PTPN14: variants seen among roughly 807,000 people sequenced by gnomAD.
The protein encoded by PTPN14 is protein tyrosine phosphatase non-receptor type 14, also known as tyrosine-protein phosphatase non-receptor type 14.
Under a neutral mutation model 126.8 loss-of-function variants are expected in PTPN14, and 53 were observed. The ratio of observed to expected loss-of-function variants is 0.42; its 90% CI spans 0.34 to 0.53. PTPN14 has a LOEUF of 0.53. Ranked by LOEUF, PTPN14 falls within the 20% of genes least tolerant of loss-of-function variation. PTPN14 has a pLI of 0.08. For missense variants in PTPN14, 1,257 were observed against 1,552.9 expected (o/e 0.81, Z 3.20); for synonymous variants, 630 against 599.3 (o/e 1.05, Z -0.75).
In PTPN14 at chr1:214,372,931, T is replaced by C. The variant is rs1288928565; in HGVS notation, c.2908-92A>G. On this transcript the variant is annotated intron_variant, in intron 15 of 18. Transcript: ENST00000366956. ...GTCCATCTGTATCCACCTTAAAACCTTGGATATATTTTTGGGGCCGAATGA... is the reference window on the plus strand; with the variant it reads ...GTCCATCTGTATCCACCTTAAAACCCTGGATATATTTTTGGGGCCGAATGA... 7 of 1,522,494 alleles carry C rather than the reference T, an allele frequency of 4.6e-6. No individual in the cohort carries two copies. In the South Asian group the frequency reaches 6.3e-5, roughly 14 times the overall value. The allele number at this position is 1,522,494 out of a possible 1,614,324, so 94.3% of individuals were successfully genotyped here.
chr1:214,402,960 G>C lies in PTPN14; in HGVS notation c.511-7C>G. The C allele has an allele frequency of 6.2e-7, 1 of 1,613,768 alleles. No homozygotes were observed. On this transcript the variant is annotated splice_polypyrimidine_tract_variant and splice_region_variant and intron_variant, in intron 5 of 18. Transcript: ENST00000366956. ...CCTCTTCCAGGGCCAAATCCTATAA[G>C]AATAGAAAGTGCTTAAGGTCACATG... is the stretch of plus-strand genomic sequence containing the variant.
Position 214,350,265 on chromosome 1 carries a change from C to T in PTPN14, c.*7657G>A, listed in dbSNP as rs968874818. ...AGTCTGTGTAAAGAGGCTATAATGA[C>T]GAAAGCATTTTCCCTGCAGGGAGAA... On this transcript the variant is annotated 3_prime_UTR_variant, in exon 19 of 19. Transcript: ENST00000366956. 6 of 152,184 alleles carry T rather than the reference C, an allele frequency of 3.9e-5. No individual in the cohort carries two copies. The highest frequency in any genetic ancestry group is 1.9e-4 in the East Asian group (1 of 5,196). 9.4% of individuals were successfully genotyped at this position (152,184 alleles called of 1,614,324 possible).
chr1:214,487,948 T>G (rs1025565449), intron 1 of PTPN14, among the ~76,000 whole-genome samples: 3 of 152,152 alleles, frequency 2.0e-5, no homozygotes, highest in Non-Finnish European at 4.4e-5. Context: ...ATGACATTCC[T>G]CCAACATTGC....
At chr1:214,472,984 A>G (rs1660794623) in intron 1 of PTPN14, among the ~76,000 whole-genome samples, 1 of 152,244 alleles carries the variant, frequency 6.6e-6, no homozygotes, top group African/African-American at 2.4e-5. Flanking sequence ...AAGGTCTTTT[A>G]TATAGAATAG....
intron 2 of PTPN14, among the ~76,000 whole-genome samples, chr1:214,463,414 T>C (rs1414602316): frequency 1.3e-5 from 2 of 152,178 alleles, no homozygotes; most frequent in Non-Finnish European, 2.9e-5. Context: ...CATATATCCA[T>C]TGTCCAAGAC....
At chr1:214,372,938 T>G (rs1658253554) in intron 15 of PTPN14, 99 bp from the exon 16 acceptor site, 1 of 1,501,570 alleles carries the variant, frequency 6.7e-7, no homozygotes, top group African/African-American at 1.4e-5. Context: ...ACCTTGGATA[T>G]ATTTTTGGGG....
intron 3 of PTPN14, among the ~76,000 whole-genome samples, 169 bp from the exon 4 acceptor site, chr1:214,414,895 T>G (rs1659391911): frequency 1.3e-5 from 2 of 152,216 alleles, no homozygotes; most frequent in Non-Finnish European, 2.9e-5. Context: ...TGCCTGTGTT[T>G]ATCTTTGTTT....
intron 1 of PTPN14, among the ~76,000 whole-genome samples, chr1:214,478,468 G>C (rs1660914057): frequency 6.6e-6 from 1 of 151,966 alleles, no homozygotes; most frequent in Admixed American, 6.6e-5. Context: ...CATACTCAGA[G>C]ATATAAGAGG....
chr1:214,478,722 C>T (rs983794286), intron 1 of PTPN14, among the ~76,000 whole-genome samples: 4 of 152,104 alleles, frequency 2.6e-5, no homozygotes, highest in Middle Eastern at 3.4e-3. Flanking sequence ...AAGACTTTTA[C>T]GTGTATTTTC....
At position 214,383,081 on chromosome 1, in the gene PTPN14, A is replaced by C. The variant is rs1224019522; in HGVS notation, c.2544+230T>G. 6.6e-6 allele frequency among the ~76,000 whole-genome samples: 1 copy of C among 152,256 alleles called. No homozygotes were observed. Among genetic ancestry groups the C allele is most frequent in the East Asian group, 1.9e-4 (1 of 5,200 alleles). On this transcript the variant is annotated intron_variant, in intron 13 of 18. Transcript: ENST00000366956. The surrounding 1 kb of genome is among the most constrained non-coding windows in gnomAD (Gnocchi z 4.4). The stretch of plus-strand genomic sequence containing the variant: ...TAAACAGCAAAATGCTGGCTGAGGC[A>C]CTGGCCTCAATAACGTACCAAGTAC...
At chr1:214,510,208 C>T (rs534011654) in intron 1 of PTPN14, among the ~76,000 whole-genome samples, 20 of 152,262 alleles carry the variant, frequency 1.3e-4, no homozygotes, top group African/African-American at 4.3e-4. Context: ...AGTTTGCCAT[C>T]TTATGTGGCA....
chr1:214,532,546 A>G (rs1655580301), intron 1 of PTPN14: 6 of 1,063,802 alleles, frequency 5.6e-6, no homozygotes, highest in Non-Finnish European at 8.8e-6. Flanking sequence ...AAGGGACCCC[A>G]GGTCAGAGAC....
At chr1:214,532,535 G>A in intron 1 of PTPN14, 1 of 1,040,020 alleles carries the variant, frequency 9.6e-7, no homozygotes, top group African/African-American at 1.6e-5. Context: ...ACCTGGAGAA[G>A]AAGGGACCCC....
chr1:214,506,868 T>C (rs558729055), intron 1 of PTPN14, among the ~76,000 whole-genome samples: 79 of 151,404 alleles, frequency 5.2e-4, no homozygotes, highest in Middle Eastern at 6.8e-3. Flanking sequence ...CTCGGTGGCA[T>C]GTGCAGCATA....
intron 2 of PTPN14, among the ~76,000 whole-genome samples, chr1:214,456,946 G>A (rs971680407): frequency 6.6e-6 from 1 of 152,104 alleles, no homozygotes; most frequent in African/African-American, 2.4e-5. Flanking sequence ...CATATATACT[G>A]ACGTGATTAA....
At chr1:214,519,088 G>A (rs1002812592) in intron 1 of PTPN14, among the ~76,000 whole-genome samples, 5 of 152,046 alleles carry the variant, frequency 3.3e-5, no homozygotes, top group Admixed American at 2.6e-4. Flanking sequence ...GGCCAACATG[G>A]TGAAACCCCA....
intron 2 of PTPN14, among the ~76,000 whole-genome samples, chr1:214,461,286 T>C (rs1157514289): frequency 6.6e-6 from 1 of 152,202 alleles, no homozygotes; most frequent in African/African-American, 2.4e-5. Context: ...AAACTACTTC[T>C]AATGGCAAAG....
At chr1:214,376,081 A>G (rs1177013309) in intron 15 of PTPN14, 138 bp downstream of exon 15, 2 of 739,450 alleles carry the variant, frequency 2.7e-6, no homozygotes, top group Non-Finnish European at 4.3e-6. Context: ...AGAAAAGCAC[A>G]GGAGTTCAAA....
chr1:214,399,507 A>G (rs1457621182), intron 7 of PTPN14, among the ~76,000 whole-genome samples: 1 of 152,196 alleles, frequency 6.6e-6, no homozygotes, highest in Admixed American at 6.5e-5. Context: ...AATAATTTGA[A>G]GAGTTGAATA....
Sources: allele counts gnomAD v4.1 joint callset (sites outside exome capture counted in the v4.1 genomes callset), GRCh38; gene constraint gnomAD v4.1.1; non-coding constraint Gnocchi (gnomAD v3.1); transcripts MANE v1.5; gene names NCBI Gene and HGNC (gene_info 2026-07-23, HGNC 2026-07-21).